HELZ: variants seen among roughly 807,000 people sequenced by gnomAD.
HELZ encodes helicase with zinc finger, also known as ATP-dependent RNA helicase with zinc finger domain.
Under a neutral mutation model 218.2 loss-of-function variants are expected in HELZ, and 23 were observed. That is an observed-to-expected ratio of 0.11 (90% CI 0.08 to 0.15). The LOEUF is 0.15. HELZ is among the 10% of genes least tolerant of loss of function. The pLI, the probability that HELZ is intolerant of heterozygous loss-of-function variation, is 1.00. For missense variants in HELZ, 1,813 were observed against 2,353.7 expected (o/e 0.77, Z 4.75); for synonymous variants, 814 against 829.4 (o/e 0.98, Z 0.32).
chr17:67,243,409 G>A (rs2041378877), intron 2 of HELZ, among the ~76,000 whole-genome samples: 1 of 152,124 alleles, frequency 6.6e-6, no homozygotes, highest in Non-Finnish European at 1.5e-5. Flanking sequence ...TAATCACCGG[G>A]ACTAAACGTA....
chr17:67,138,729 T>C (rs116937056), intron 21 of HELZ, among the ~76,000 whole-genome samples: 3 of 152,336 alleles, frequency 2.0e-5, no homozygotes, highest in Non-Finnish European at 4.4e-5. Flanking sequence ...AGCCAAGCCA[T>C]TTCATTAACC....
At chr17:67,139,433 C>A (rs927361768) in intron 21 of HELZ, among the ~76,000 whole-genome samples, 5 of 152,084 alleles carry the variant, frequency 3.3e-5, no homozygotes, top group African/African-American at 1.2e-4. Flanking sequence ...TGGGAGACAC[C>A]TCTGCTGCGC....
chr17:67,073,930 C>G lies in HELZ; in HGVS notation c.*4322G>C, dbSNP rs142003678. On this transcript the variant is annotated 3_prime_UTR_variant, in exon 33 of 33. Transcript: ENST00000358691. ...AGGAGCATATCATAATGAGCATTTTCAAGACTAACATGCCAGTTACTCTTT... is the reference window on the plus strand; with the variant it reads ...AGGAGCATATCATAATGAGCATTTTGAAGACTAACATGCCAGTTACTCTTT... The G allele has an allele frequency of 3.1e-4, 47 of 152,268 alleles. No homozygotes were observed. Among genetic ancestry groups the G allele is most frequent in the African/African-American group, 1.1e-3 (45 of 41,554 alleles). 9.4% of individuals were successfully genotyped at this position (152,268 alleles called of 1,614,324 possible).
intron 32 of HELZ, among the ~76,000 whole-genome samples, chr17:67,080,908 C>T (rs1408222007): frequency 1.3e-5 from 2 of 152,280 alleles, no homozygotes; most frequent in Middle Eastern, 3.4e-3. Flanking sequence ...TTCCCTGCTT[C>T]CTTTTAGGTA....
chr17:67,165,720 CA>C (rs35482433), intron 15 of HELZ, among the ~76,000 whole-genome samples: 12 of 152,088 alleles, frequency 7.9e-5, no homozygotes, highest in African/African-American at 2.7e-4. Context: ...AAAGACATCC[CA>C]AAAAAATTTA....
intron 31 of HELZ, among the ~76,000 whole-genome samples, chr17:67,106,771 G>A (rs1486675640): frequency 1.3e-5 from 2 of 152,184 alleles, no homozygotes; most frequent in Non-Finnish European, 2.9e-5. Flanking sequence ...CACAGCACTT[G>A]GAGCTGGCAC....
intron 5 of HELZ, among the ~76,000 whole-genome samples, chr17:67,214,980 C>CA (rs906513418): frequency 3.3e-5 from 5 of 151,976 alleles, no homozygotes; most frequent in Non-Finnish European, 7.4e-5. Context: ...ACCATCTCTA[C>CA]AAAAAATAAA....
chr17:67,135,953 C>T lies in HELZ; in HGVS notation c.3182+17G>A, dbSNP rs370768824. 2.1e-5 allele frequency: 33 copies of T among 1,581,964 alleles called. No individual in the cohort carries two copies. The African/African-American group carries it at 3.0e-4, about 14-fold the overall frequency. On this transcript the variant is annotated intron_variant, in intron 23 of 32. Transcript: ENST00000358691. ...TCACATTTCCCCTTTAATGTCTCAA[C>T]ATTAACACATAATTACCTGCATCTT...
chr17:67,190,743 C>G (rs759279036), intron 9 of HELZ, among the ~76,000 whole-genome samples: 1 of 152,192 alleles, frequency 6.6e-6, no homozygotes, highest in Non-Finnish European at 1.5e-5. Flanking sequence ...CGGAGTCTCA[C>G]TCCGTTGCCC....
At chr17:67,171,842 T>G (rs942128543) in intron 13 of HELZ, among the ~76,000 whole-genome samples, 13 of 152,130 alleles carry the variant, frequency 8.5e-5, no homozygotes, top group Admixed American at 2.0e-4. Flanking sequence ...GTTTTGTTTT[T>G]TTTTTTGAGA....
chr17:67,138,225 T>TTAAAAA, intron 21 of HELZ, 111 bp from the exon 22 acceptor site: 1 of 541,522 alleles, frequency 1.8e-6, no homozygotes, highest in Non-Finnish European at 2.8e-6. Context: ...AGATGTCATT[T>TTAAAAA]AAAAAAAAAA....
At chr17:67,178,954 A>G (rs779950143) in intron 12 of HELZ, 28 bp from the exon 13 acceptor site, 1 of 1,476,556 alleles carries the variant, frequency 6.8e-7, no homozygotes, top group East Asian at 2.3e-5. Flanking sequence ...ACACATTTAT[A>G]AAGAAACAGA....
At chr17:67,237,163 A>G (rs992487186) in intron 3 of HELZ, among the ~76,000 whole-genome samples, 2 of 152,086 alleles carry the variant, frequency 1.3e-5, no homozygotes, top group African/African-American at 4.8e-5. Flanking sequence ...AACATGGCAA[A>G]GTCCCAAGCT....
intron 21 of HELZ, among the ~76,000 whole-genome samples, chr17:67,138,529 G>C (rs1347598145): frequency 6.6e-6 from 1 of 152,168 alleles, no homozygotes; most frequent in Non-Finnish European, 1.5e-5. Context: ...CCAACTAGAA[G>C]CTTCCTGTCA....
chr17:67,078,011 A>T lies in HELZ; in HGVS notation c.*241T>A, dbSNP rs568799799. On this transcript the variant is annotated 3_prime_UTR_variant, in exon 33 of 33. Transcript: ENST00000358691. ...ATGCAAACATATGTAACAATACACA[A>T]ATTTAAAAATTTTTTTATTCTACAT... is the stretch of plus-strand genomic sequence containing the variant. 1.2e-5 allele frequency: 4 copies of T among 332,816 alleles called. No homozygotes were observed. The highest frequency in any genetic ancestry group is 2.2e-5 in the Non-Finnish European group (4 of 184,200). The allele number at this position is 332,816 out of a possible 1,614,324, so 20.6% of individuals were successfully genotyped here.
intron 25 of HELZ, 80 bp from the exon 26 acceptor site, chr17:67,123,240 C>A: frequency 2.6e-6 from 2 of 758,502 alleles, no homozygotes; most frequent in South Asian, 3.5e-5. Context: ...CATTCAACAG[C>A]AAAATATATT....
intron 31 of HELZ, among the ~76,000 whole-genome samples, chr17:67,095,137 C>A (rs1384037445): frequency 6.6e-6 from 1 of 152,188 alleles, no homozygotes; most frequent in Non-Finnish European, 1.5e-5. Flanking sequence ...ATGGAATATT[C>A]TAAATCCTTT....
intron 9 of HELZ, among the ~76,000 whole-genome samples, chr17:67,190,876 G>C (rs1598397340): frequency 6.6e-6 from 1 of 152,002 alleles, no homozygotes; most frequent in Admixed American, 6.6e-5. Flanking sequence ...CGCCTGGCTA[G>C]TTTTTGTATT....
intron 5 of HELZ, among the ~76,000 whole-genome samples, chr17:67,208,940 C>CA (rs533615024): frequency 1.9e-3 from 214 of 115,006 alleles, no homozygotes; most frequent in Non-Finnish European, 2.9e-3. Flanking sequence ...AACTCTGTCT[C>CA]AAAAAAAAAG....
Sources: allele counts gnomAD v4.1 joint callset (sites outside exome capture counted in the v4.1 genomes callset), GRCh38; gene constraint gnomAD v4.1.1; transcripts MANE v1.5; gene names NCBI Gene and HGNC (gene_info 2026-07-23, HGNC 2026-07-21).